Variants in CPEB4 observed in about 807,000 individuals in gnomAD.
The protein encoded by CPEB4 is cytoplasmic polyadenylation element binding protein 4, also known as cytoplasmic polyadenylation element-binding protein 4.
CPEB4 carries 12 observed loss-of-function variants against 72.5 expected under a neutral mutation model. The ratio of observed to expected loss-of-function variants is 0.17; its 90% CI spans 0.11 to 0.27. CPEB4 has a LOEUF of 0.27. Ranked by LOEUF, CPEB4 falls within the 10% of genes least tolerant of loss-of-function variation. CPEB4 has a pLI of 1.00. For synonymous variants in CPEB4, 302 were observed against 326.3 expected (o/e 0.93, Z 0.80); for missense variants, 614 against 908.5 (o/e 0.68, Z 4.17).
chr5:173,926,558 G>A (rs1453206864), intron 2 of CPEB4, among the ~76,000 whole-genome samples: 1 of 152,190 alleles, frequency 6.6e-6, no homozygotes, highest in Non-Finnish European at 1.5e-5. Context: ...ATTTGGCTAG[G>A]TTGAGTCATG....
At chr5:173,910,892 T>A (rs1756634120) in intron 2 of CPEB4, 1 of 276,962 alleles carries the variant, frequency 3.6e-6, no homozygotes, top group African/African-American at 2.2e-5. Context: ...ATTTTTTTTA[T>A]ATCTCAGGCA....
chr5:173,941,214 A>C (rs1757825935), intron 3 of CPEB4, among the ~76,000 whole-genome samples: 1 of 152,196 alleles, frequency 6.6e-6, no homozygotes, highest in African/African-American at 2.4e-5. Context: ...TCTTTGAAGC[A>C]GTTGTATGAA....
intron 3 of CPEB4, among the ~76,000 whole-genome samples, chr5:173,939,839 C>T (rs1012623660): frequency 7.3e-5 from 11 of 149,802 alleles, no homozygotes; most frequent in South Asian, 2.1e-4. Context: ...AGGCTGGACA[C>T]GGTGGCTCAC....
Position 173,944,953 on chromosome 5 carries a change from G to A in CPEB4, c.1283-14G>A. 1.3e-6 allele frequency: 2 copies of A among 1,584,050 alleles called. No individual in the cohort carries two copies. The highest frequency in any genetic ancestry group is 1.7e-6 in the Non-Finnish European group (2 of 1,161,966). On this transcript the variant is annotated splice_polypyrimidine_tract_variant and intron_variant, in intron 4 of 9. Transcript: ENST00000265085. ...CATTTTCTGTTACCGTTTTTTCCCT[G>A]CTTTCTATTCCAGGTCAGTCTTCAC...
At chr5:173,953,397 A>G in intron 9 of CPEB4, 125 bp downstream of exon 9, 1 of 655,094 alleles carries the variant, frequency 1.5e-6, no homozygotes, top group Non-Finnish European at 2.5e-6. Context: ...TATAGAGTTA[A>G]TTATGGTCTA....
At position 173,960,485 on chromosome 5, in the gene CPEB4, A is replaced by G. The variant is rs1447123954; in HGVS notation, c.*4348A>G. On this transcript the variant is annotated 3_prime_UTR_variant, in exon 10 of 10. Coordinates refer to ENST00000265085, the MANE Select transcript of CPEB4 (RefSeq NM_030627.4). ...CCAGTGTGCATTCTTATGTAAGCCTATAAGCGTCGGTGGGTGGTTGTGTCT... is the reference window on the plus strand; with the variant it reads ...CCAGTGTGCATTCTTATGTAAGCCTGTAAGCGTCGGTGGGTGGTTGTGTCT... 1.3e-5 allele frequency: 2 copies of G among 152,278 alleles called. No homozygotes were observed. Among genetic ancestry groups the G allele is most frequent in the East Asian group, 3.8e-4 (2 of 5,208 alleles). The allele number at this position is 152,278 out of a possible 1,614,324, so 9.4% of individuals were successfully genotyped here.
chr5:173,949,210 AAT>A (rs1392019958), intron 5 of CPEB4, among the ~76,000 whole-genome samples: 1 of 152,204 alleles, frequency 6.6e-6, no homozygotes, highest in East Asian at 1.9e-4. Flanking sequence ...AGCAGATACC[AAT>A]AGTTATGTTT....
intron 1 of CPEB4, among the ~76,000 whole-genome samples, chr5:173,902,642 C>G (rs1156836928): frequency 6.6e-6 from 1 of 151,258 alleles, no homozygotes; most frequent in African/African-American, 2.4e-5. Context: ...ATCTCATTCT[C>G]TAATGAAAAT....
chr5:173,935,886 AT>A (rs1757603295), intron 3 of CPEB4, among the ~76,000 whole-genome samples: 1 of 152,136 alleles, frequency 6.6e-6, no homozygotes, highest in African/African-American at 2.4e-5. Context: ...GGATCAAATT[AT>A]TTTTTTGCCC....
Position 173,955,563 on chromosome 5 carries a change from G to A in CPEB4, c.1963-347G>A, listed in dbSNP as rs1561634950. 2.0e-5 allele frequency among the ~76,000 whole-genome samples: 3 copies of A among 152,170 alleles called. No homozygotes were observed. The highest frequency in any genetic ancestry group is 4.4e-5 in the Non-Finnish European group (3 of 68,032). ...TGATTCCACATATGACAAAAATCCA[G>A]ATCCACTAATTAAAATGAGGGTTTA... On this transcript the variant is annotated intron_variant, in intron 9 of 9. Coordinates refer to ENST00000265085, the MANE Select transcript of CPEB4 (RefSeq NM_030627.4). The surrounding 1 kb of genome is among the most constrained non-coding windows in gnomAD (Gnocchi z 4.7).
chr5:173,927,740 GCACTC>G (rs10563966), intron 2 of CPEB4, among the ~76,000 whole-genome samples: 16,235 of 151,964 alleles, frequency 0.11, 1,066 homozygotes, highest in Middle Eastern at 0.21. Context: ...TCGCACTACT[GCACTC>G]CAGCCTGGGT....
At chr5:173,913,827 A>C (rs1756766679) in intron 2 of CPEB4, among the ~76,000 whole-genome samples, 1 of 152,230 alleles carries the variant, frequency 6.6e-6, no homozygotes, top group African/African-American at 2.4e-5. Flanking sequence ...GGCTTTTGGA[A>C]TCAGATCTGG....
intron 4 of CPEB4, among the ~76,000 whole-genome samples, chr5:173,943,770 A>G (rs1456550842): frequency 6.6e-6 from 1 of 152,222 alleles, no homozygotes; most frequent in Non-Finnish European, 1.5e-5. Context: ...ATTATAGGAT[A>G]AATTTATAAA....
At chr5:173,911,227 T>A (rs1221255461) in intron 2 of CPEB4, among the ~76,000 whole-genome samples, 1 of 151,906 alleles carries the variant, frequency 6.6e-6, no homozygotes, top group Non-Finnish European at 1.5e-5. Context: ...AAAAATAAAA[T>A]GTAGATGTCT....
chr5:173,925,800 T>C (rs17076705), intron 2 of CPEB4, among the ~76,000 whole-genome samples: 15,564 of 152,250 alleles, frequency 0.1, 1,071 homozygotes, highest in Middle Eastern at 0.21. Context: ...TAAACAAAAT[T>C]AGCAGGAGCA....
chr5:173,944,226 C>T (rs182184412), intron 4 of CPEB4, among the ~76,000 whole-genome samples: 5 of 152,186 alleles, frequency 3.3e-5, no homozygotes, highest in African/African-American at 4.8e-5. Context: ...CATAAGACTA[C>T]ACAATGAAGT....
chr5:173,943,190 A>G, intron 4 of CPEB4, 141 bp downstream of exon 4: 1 of 749,210 alleles, frequency 1.3e-6, no homozygotes, highest in Non-Finnish European at 2.1e-6. Flanking sequence ...TGTTACAGTT[A>G]ACATTTTAGA....
intron 1 of CPEB4, among the ~76,000 whole-genome samples, chr5:173,910,206 G>T (rs1038206692): frequency 2.0e-5 from 3 of 151,586 alleles, no homozygotes; most frequent in Non-Finnish European, 4.4e-5. Flanking sequence ...TGATGGGAAA[G>T]AATTTTTTTT....
intron 7 of CPEB4, among the ~76,000 whole-genome samples, chr5:173,951,502 T>C (rs1327046093): frequency 2.6e-5 from 4 of 152,192 alleles, no homozygotes; most frequent in Admixed American, 6.5e-5. Flanking sequence ...ATTTAAATTA[T>C]GTAGATATTG....
Sources: allele counts gnomAD v4.1 joint callset (sites outside exome capture counted in the v4.1 genomes callset), GRCh38; gene constraint gnomAD v4.1.1; non-coding constraint Gnocchi (gnomAD v3.1); transcripts MANE v1.5; gene names NCBI Gene and HGNC (gene_info 2026-07-23, HGNC 2026-07-21).